Variants in SLC34A2 observed in about 807,000 individuals in gnomAD.
SLC34A2 encodes sodium-dependent phosphate transport protein 2B.
Under a neutral mutation model 50.8 loss-of-function variants are expected in SLC34A2, and 41 were observed. The observed-to-expected ratio is 0.81, with a 90% CI of 0.63 to 1.05. The LOEUF (loss-of-function observed/expected upper bound fraction) is 1.05, where lower values mean the gene tolerates loss of function less well. SLC34A2 is among the 50% of genes least tolerant of loss of function. SLC34A2 has a pLI of 0.00. For missense variants in SLC34A2, 879 were observed against 876.7 expected (o/e 1.00, Z -0.03); for synonymous variants, 401 against 364.2 (o/e 1.10, Z -1.15).
Position 25,676,519 on chromosome 4 carries a change from C to T in SLC34A2, c.1843C>T (p.Gln615Ter). Residue 615 changes from glutamine (Q) to a stop codon, truncating the protein, a stop_gained, in exon 13 of 13, where the codon CAG (glutamine) becomes TAG (stop). Transcript: ENST00000382051. LOFTEE classifies it low-confidence loss of function (END_TRUNC). ...AVVSKFTGCF[Q>*]MRCCCCCRVC... ...CGTCTCCAAGTTCACCGGCTGCTTC[C>T]AGATGCGCTGCTGCTGCTGCTGCCG... 8 of 1,614,004 alleles carry T rather than the reference C, an allele frequency of 5.0e-6. No individual in the cohort carries two copies. Among genetic ancestry groups the T allele is most frequent in the Non-Finnish European group, 5.9e-6 (7 of 1,179,958 alleles).
At chr4:25,667,807 C>G in intron 5 of SLC34A2, 73 bp from the exon 6 acceptor site, 1 of 946,370 alleles carries the variant, frequency 1.1e-6, no homozygotes, top group Non-Finnish European at 1.7e-6. Flanking sequence ...TTAGAGGATA[C>G]CAGCATAGGT....
rs16877398 is a variant in SLC34A2 at position 25,668,142 on chromosome 4, G to A, written c.635+151G>A. The A allele has an allele frequency of 0.1, 72,925 of 698,580 alleles. 9,493 individuals carry two copies. Among genetic ancestry groups the A allele is most frequent in the East Asian group, 0.59 (21,468 of 36,606 alleles). The allele number at this position is 698,580 out of a possible 1,614,324, so 43.3% of individuals were successfully genotyped here. On this transcript the variant is annotated intron_variant, in intron 6 of 12. Coordinates refer to ENST00000382051, the MANE Select transcript of SLC34A2 (RefSeq NM_006424.3). ...ACCACAGGGAGGTATGGCTAGGGTT[G>A]GATCACATACTCACCAGCTGATTAG... is the stretch of plus-strand genomic sequence containing the variant.
chr4:25,674,538 C>CA lies in SLC34A2; in HGVS notation c.1368dup (p.Leu457ThrfsTer178). ...GTGATAACCATTGAGAGGGCTTATC[C>CA]ACTCACGCTGGGCTCCAACATCGGC... On this transcript the variant is annotated frameshift_variant, in exon 12 of 13. Coordinates refer to ENST00000382051, the MANE Select transcript of SLC34A2 (RefSeq NM_006424.3). LOFTEE classifies it high-confidence loss of function. 6.2e-7 allele frequency: 1 copy of CA among 1,614,188 alleles called. No individual in the cohort carries two copies. Among genetic ancestry groups the CA allele is most frequent in the Non-Finnish European group, 8.5e-7 (1 of 1,180,034 alleles).
intron 6 of SLC34A2, among the ~76,000 whole-genome samples, chr4:25,669,234 C>T (rs373403013): frequency 6.6e-6 from 1 of 151,968 alleles, no homozygotes; most frequent in Non-Finnish European, 1.5e-5. Flanking sequence ...ATTTGAGGTG[C>T]CCACCGCTTT....
In SLC34A2 at chr4:25,676,147, C is replaced by T; in HGVS notation, c.1471C>T (p.His491Tyr). 6.2e-7 allele frequency: 1 copy of T among 1,614,094 alleles called. No homozygotes were observed. Among genetic ancestry groups the T allele is most frequent in the South Asian group, 1.1e-5 (1 of 91,088 alleles). ...LRSSLQIALC[H>Y]FFFNISGILL... is the part of the protein sequence containing the mutation. ...TCTTGTGTTGCAGATCGCCCTGTGC[C>T]ACTTTTTCTTCAACATCTCCGGCAT... The change falls in exon 13 of 13, where the codon CAC becomes TAC. Residue 491 changes from histidine (H) to tyrosine (Y), a missense_variant. Physicochemically the swap from His to Tyr is moderately conservative, Grantham distance 83 (BLOSUM62 2). Coordinates refer to ENST00000382051, the MANE Select transcript of SLC34A2 (RefSeq NM_006424.3).
At chr4:25,674,193 T>A (rs1187566695) in intron 10 of SLC34A2, 103 bp from the exon 11 acceptor site, 9 of 779,966 alleles carry the variant, frequency 1.2e-5, no homozygotes, top group Non-Finnish European at 1.8e-5. Context: ...AGACCATATA[T>A]GGGATGATGT....
chr4:25,659,440 T>TATATAG lies in SLC34A2; in HGVS notation c.-3-3057_-3-3056insTATAGA, dbSNP rs764621392. On this transcript the variant is annotated intron_variant, in intron 1 of 12. Transcript: ENST00000382051. Reference sequence around the variant, plus strand: ...GAGATGAAGAGCTTATAGTCTAGGGTACACACAGTGGAAATGAGGCCATTT... The same window carrying TATATAG: ...GAGATGAAGAGCTTATAGTCTAGGGTATATAGACACACAGTGGAAATGAGGCCATTT... Among the ~76,000 whole-genome samples, 290 of 152,208 alleles carry TATATAG rather than the reference T, an allele frequency of 1.9e-3. 1 individual carries two copies. The highest frequency in any genetic ancestry group is 3.7e-3 in the South Asian group (18 of 4,814).
At position 25,668,890 on chromosome 4, in the gene SLC34A2, G is replaced by GTT. The variant is rs545397296; in HGVS notation, c.636-744_636-743dup. ...AGTGTTTCTTAGCCTCTTCTAGCTA[G>GTT]TTTTTTTTTTTTTTCAGTTTTTTTT... On this transcript the variant is annotated intron_variant, in intron 6 of 12. Coordinates refer to ENST00000382051, the MANE Select transcript of SLC34A2 (RefSeq NM_006424.3). Among the ~76,000 whole-genome samples the GTT allele has an allele frequency of 4.5e-3, 611 of 135,892 alleles. 2 individuals are homozygous for GTT. The highest frequency in any genetic ancestry group is 0.014 in the African/African-American group (543 of 37,592). 89.2% of individuals were successfully genotyped at this position (135,892 alleles called of 152,430 possible).
chr4:25,670,490 G>A (rs1247072403), intron 7 of SLC34A2, among the ~76,000 whole-genome samples: 1 of 152,034 alleles, frequency 6.6e-6, no homozygotes, highest in Non-Finnish European at 1.5e-5. Flanking sequence ...CTTCTCCCTG[G>A]GTCCTTGCTA....
Position 25,674,610 on chromosome 4 carries a change from C to A in SLC34A2, c.1439C>A (p.Ala480Glu). ...ILAALASPGN[A>E]LRSSLQIALC... Reference sequence around the variant, plus strand: ...GCCGCCTTAGCCAGCCCTGGCAATGCATTGAGGAGTTCACTCCAGGTCAGG... The same window carrying A: ...GCCGCCTTAGCCAGCCCTGGCAATGAATTGAGGAGTTCACTCCAGGTCAGG... Residue 480 changes from alanine to glutamate, a missense_variant, in exon 12 of 13, where the codon GCA becomes GAA. Transcript: ENST00000382051. 6.2e-7 allele frequency: 1 copy of A among 1,614,246 alleles called. No homozygotes were observed. The highest frequency in any genetic ancestry group is 8.5e-7 in the Non-Finnish European group (1 of 1,180,046).
At position 25,676,833 on chromosome 4, in the gene SLC34A2, C is replaced by G. The variant is rs1009998167; in HGVS notation, c.*84C>G. On this transcript the variant is annotated 3_prime_UTR_variant, in exon 13 of 13. Coordinates refer to ENST00000382051, the MANE Select transcript of SLC34A2 (RefSeq NM_006424.3). ...CCCTCCCACTTCTGCACCCTTTCAC[C>G]ACCTCGAGGAGATTTGCTCCCCATT... 8.2e-6 allele frequency: 13 copies of G among 1,582,170 alleles called. No homozygotes were observed. In the African/African-American group the frequency reaches 1.3e-4, roughly 16 times the overall value.
At position 25,662,809 on chromosome 4, in the gene SLC34A2, C is replaced by T. The variant is rs762105687; in HGVS notation, c.217C>T (p.Pro73Ser). The T allele has an allele frequency of 1.2e-6, 2 of 1,614,064 alleles. No individual in the cohort carries two copies. The highest frequency in any genetic ancestry group is 2.2e-5 in the East Asian group (1 of 44,864). Residue 73 changes from proline (P) to serine (S), a missense_variant, in exon 3 of 13, where the codon CCC becomes TCC. Pro to Ser is a moderately conservative substitution (Grantham distance 74). Transcript: ENST00000382051. ...PTEVDDPWNLPTLQDSGIKWS... is the reference protein window; with the variant it reads ...PTEVDDPWNLSTLQDSGIKWS... ...TGAGGTGGATGACCCCTGGAACCTA[C>T]CCACTCTTCAGGACTCGGGGATCAA...
intron 6 of SLC34A2, among the ~76,000 whole-genome samples, chr4:25,668,762 A>G (rs1714650510): frequency 6.6e-6 from 1 of 152,068 alleles, no homozygotes. Flanking sequence ...CTTACAAGTT[A>G]ATAAAAAACA....
At chr4:25,670,975 G>A (rs1210523562) in intron 8 of SLC34A2, 142 bp downstream of exon 8, 1 of 717,600 alleles carries the variant, frequency 1.4e-6, no homozygotes, top group Non-Finnish European at 2.4e-6. Flanking sequence ...AGTGACCAGT[G>A]AATGCCTTTA....
intron 10 of SLC34A2, among the ~76,000 whole-genome samples, chr4:25,673,895 G>A (rs1714960159): frequency 6.6e-6 from 1 of 152,200 alleles, no homozygotes; most frequent in Admixed American, 6.5e-5. Context: ...TGGCAGGCAT[G>A]TTCCAAGCTG....
At chr4:25,665,063 C>G (rs1193889688) in intron 4 of SLC34A2, 1 of 226,232 alleles carries the variant, frequency 4.4e-6, no homozygotes, top group Admixed American at 5.7e-5. Context: ...TTTCTGCAAC[C>G]CTTGGTGCCT....
chr4:25,674,439 T>C, intron 11 of SLC34A2, 27 bp downstream of exon 11: 2 of 1,614,220 alleles, frequency 1.2e-6, no homozygotes, highest in African/African-American at 1.3e-5. Flanking sequence ...CTTCTCCCTC[T>C]GGCCACCACT....
At chr4:25,668,130 A>G in intron 6 of SLC34A2, 139 bp downstream of exon 6, 1 of 712,252 alleles carries the variant, frequency 1.4e-6, no homozygotes, top group Non-Finnish European at 2.6e-6. Context: ...ACAGGGAGGT[A>G]TGGCTAGGGT....
At chr4:25,657,246 T>C (rs888251457) in intron 1 of SLC34A2, among the ~76,000 whole-genome samples, 1 of 152,060 alleles carries the variant, frequency 6.6e-6, no homozygotes, top group African/African-American at 2.4e-5. Flanking sequence ...TAGCCCGAAT[T>C]CAATGCAATG....
Sources: allele counts gnomAD v4.1 joint callset (sites outside exome capture counted in the v4.1 genomes callset), GRCh38; gene constraint gnomAD v4.1.1; transcripts MANE v1.5; gene names NCBI Gene and HGNC (gene_info 2026-07-23, HGNC 2026-07-21).